FMNL2: variants seen among roughly 807,000 people sequenced by gnomAD.
FMNL2 encodes formin-like protein 2.
A neutral mutation model predicts 130.2 loss-of-function variants in FMNL2; 51 were observed. That is an observed-to-expected ratio of 0.39 (90% CI 0.31 to 0.49). The LOEUF (loss-of-function observed/expected upper bound fraction) is 0.49. Among genes scored for constraint, FMNL2 ranks in the 20% least tolerant of loss-of-function variants. FMNL2 has a pLI of 0.85. For missense variants in FMNL2, 977 were observed against 1,316.2 expected (o/e 0.74, Z 3.99); for synonymous variants, 465 against 467.1 (o/e 1.00, Z 0.06).
At chr2:152,523,722 ATTAT>A (rs1215383999) in intron 2 of FMNL2, among the ~76,000 whole-genome samples, 1 of 152,176 alleles carries the variant, frequency 6.6e-6, no homozygotes, top group African/African-American at 2.4e-5. Context: ...GTGGCCGTTC[ATTAT>A]TTAATTTGGG....
chr2:152,618,950 T>C lies in FMNL2; in HGVS notation c.1419T>C (p.His473=), dbSNP rs1270728013. 1 of 1,613,954 alleles carries C rather than the reference T, an allele frequency of 6.2e-7. No homozygotes were observed. Among genetic ancestry groups the C allele is most frequent in the Non-Finnish European group, 8.5e-7 (1 of 1,179,836 alleles). The change falls in exon 14 of 26, where the codon CAT becomes CAC. Residue 473 remains histidine (H), a synonymous_variant. Transcript: ENST00000288670. ...QRQSTLEKKI[H]ELEKQGTIKI... Reference sequence around the variant, plus strand: ...AGTCTACCCTGGAAAAAAAGATTCATGAGCTAGAGAAACAAGGGACCATTA... The same window carrying C: ...AGTCTACCCTGGAAAAAAAGATTCACGAGCTAGAGAAACAAGGGACCATTA...
intron 1 of FMNL2, among the ~76,000 whole-genome samples, chr2:152,422,616 C>A (rs553642807): frequency 6.6e-6 from 1 of 152,136 alleles, no homozygotes; most frequent in Non-Finnish European, 1.5e-5. Flanking sequence ...CTTCTGCCTC[C>A]GGGCTCACCT....
chr2:152,546,896 A>G (rs998981938), intron 3 of FMNL2, among the ~76,000 whole-genome samples: 1 of 151,980 alleles, frequency 6.6e-6, no homozygotes, highest in African/African-American at 2.4e-5. Flanking sequence ...GGAAGAGTTT[A>G]AAGAGAGAGA....
intron 21 of FMNL2, among the ~76,000 whole-genome samples, chr2:152,634,552 T>C (rs1242763005): frequency 6.6e-6 from 1 of 152,262 alleles, no homozygotes; most frequent in African/African-American, 2.4e-5. Flanking sequence ...TCTGTGCTTC[T>C]AGATTCAACA....
rs967172205 is a variant in FMNL2 at position 152,648,303 on chromosome 2, A to T, written c.*398A>T. ...TGGGTCCTTTGCTGAGATGTCTTCGAAGGAATTTTGTTTTAGCCATATCCA... is the reference window on the plus strand; with the variant it reads ...TGGGTCCTTTGCTGAGATGTCTTCGTAGGAATTTTGTTTTAGCCATATCCA... On this transcript the variant is annotated 3_prime_UTR_variant, in exon 26 of 26. Coordinates refer to ENST00000288670, the MANE Select transcript of FMNL2 (RefSeq NM_052905.4). The T allele has an allele frequency of 4.3e-5, 7 of 164,034 alleles. No homozygotes were observed. Among genetic ancestry groups the T allele is most frequent in the African/African-American group, 1.7e-4 (7 of 41,820 alleles). The allele number at this position is 164,034 out of a possible 1,614,324, so 10.2% of individuals were successfully genotyped here.
intron 7 of FMNL2, 42 bp from the exon 8 acceptor site, chr2:152,578,846 C>A: frequency 6.5e-7 from 1 of 1,545,352 alleles, no homozygotes; most frequent in South Asian, 1.2e-5. Context: ...TAACTTGTCT[C>A]CCAATGCTTT....
chr2:152,419,017 A>C (rs192678810), intron 1 of FMNL2, among the ~76,000 whole-genome samples: 1 of 151,912 alleles, frequency 6.6e-6, no homozygotes, highest in East Asian at 1.9e-4. Flanking sequence ...GATGGGTATG[A>C]AACAGCATCT....
Position 152,648,721 on chromosome 2 carries a change from A to G in FMNL2, c.*816A>G, listed in dbSNP as rs755337857. The G allele has an allele frequency of 6.6e-6, 1 of 152,608 alleles. No homozygotes were observed. The allele number at this position is 152,608 out of a possible 1,614,324, so 9.5% of individuals were successfully genotyped here. ...CCTTGCAAGGAAGTTTACTAGCTCTATCAACAAGCATTCAAGGTTACATCT... is the reference window on the plus strand; with the variant it reads ...CCTTGCAAGGAAGTTTACTAGCTCTGTCAACAAGCATTCAAGGTTACATCT... On this transcript the variant is annotated 3_prime_UTR_variant, in exon 26 of 26. Coordinates refer to ENST00000288670, the MANE Select transcript of FMNL2 (RefSeq NM_052905.4).
intron 1 of FMNL2, among the ~76,000 whole-genome samples, chr2:152,519,895 A>G (rs554893598): frequency 2.6e-5 from 4 of 152,296 alleles, no homozygotes. Context: ...TTATAATCTT[A>G]TTGTTCTTAC....
intron 6 of FMNL2, among the ~76,000 whole-genome samples, chr2:152,570,251 G>A (rs937183166): frequency 1.3e-5 from 2 of 152,184 alleles, no homozygotes; most frequent in African/African-American, 4.8e-5. Context: ...AGAGCTTTGT[G>A]AATTCTAACT....
At chr2:152,469,109 C>T (rs144429704) in intron 1 of FMNL2, among the ~76,000 whole-genome samples, 71 of 152,340 alleles carry the variant, frequency 4.7e-4, no homozygotes, top group African/African-American at 1.7e-3. Context: ...CTGGAATACA[C>T]TGACGCTGTT....
chr2:152,637,313 T>G (rs1682702999), intron 22 of FMNL2, among the ~76,000 whole-genome samples: 1 of 152,212 alleles, frequency 6.6e-6, no homozygotes, highest in South Asian at 2.1e-4. Flanking sequence ...TGCATGCATG[T>G]ATGCCTGTGT....
chr2:152,341,066 C>T (rs974173259), intron 1 of FMNL2, among the ~76,000 whole-genome samples: 1 of 152,202 alleles, frequency 6.6e-6, no homozygotes, highest in Non-Finnish European at 1.5e-5. Flanking sequence ...CCAAGGAAAG[C>T]ACTTGCCATA....
At chr2:152,399,544 G>A (rs566608065) in intron 1 of FMNL2, among the ~76,000 whole-genome samples, 1 of 152,316 alleles carries the variant, frequency 6.6e-6, no homozygotes, top group East Asian at 1.9e-4. Context: ...CAGTGTCAAG[G>A]TAGAGGTGGA....
chr2:152,372,346 G>T (rs72863407), intron 1 of FMNL2, among the ~76,000 whole-genome samples: 5,409 of 152,250 alleles, frequency 0.036, 115 homozygotes, highest in Middle Eastern at 0.054. Flanking sequence ...TATATGGAAG[G>T]TTCTTTTGGA....
intron 9 of FMNL2, among the ~76,000 whole-genome samples, chr2:152,586,551 C>T (rs1697086143): frequency 6.6e-6 from 1 of 152,148 alleles, no homozygotes; most frequent in South Asian, 2.1e-4. Flanking sequence ...ATGAGACCAT[C>T]CAGATAACTT....
intron 2 of FMNL2, among the ~76,000 whole-genome samples, chr2:152,532,189 TTTC>T (rs1028076249): frequency 1.3e-5 from 2 of 152,230 alleles, no homozygotes; most frequent in Non-Finnish European, 2.9e-5. Flanking sequence ...CTCTGGTGCA[TTTC>T]TTCTTCATTA....
At chr2:152,357,053 TAAATATTACATAAGTTTAATATATCAC>T (rs1451486729) in intron 1 of FMNL2, among the ~76,000 whole-genome samples, 12 of 144,838 alleles carry the variant, frequency 8.3e-5, no homozygotes, top group African/African-American at 3.0e-4. Context: ...TATATCACGA[TAAATATTACATAAGTTTAATATATCAC>T]GATAAATATT....
intron 1 of FMNL2, among the ~76,000 whole-genome samples, chr2:152,393,629 G>A (rs1412349397): frequency 6.6e-6 from 1 of 152,218 alleles, no homozygotes; most frequent in Non-Finnish European, 1.5e-5. Flanking sequence ...GGAAGTGAAA[G>A]TGAACATTTT....
Sources: allele counts gnomAD v4.1 joint callset (sites outside exome capture counted in the v4.1 genomes callset), GRCh38; gene constraint gnomAD v4.1.1; transcripts MANE v1.5; gene names NCBI Gene and HGNC (gene_info 2026-07-23, HGNC 2026-07-21).